The following THSD7A variants were observed in gnomAD, a reference collection of about 807,000 sequenced individuals.
The protein encoded by THSD7A is thrombospondin type 1 domain containing 7A.
In THSD7A, 96 loss-of-function variants were observed where a neutral mutation model predicts 231.3. The ratio of observed to expected loss-of-function variants is 0.41; its 90% confidence interval spans 0.35 to 0.49. THSD7A has a LOEUF of 0.49. Ranked by LOEUF, THSD7A falls within the 20% of genes least tolerant of loss-of-function variation. The pLI, the probability that THSD7A is intolerant of heterozygous loss-of-function variation, is 0.05. For synonymous variants in THSD7A, 940 were observed against 743.3 expected (o/e 1.26, Z -4.30); for missense variants, 2,290 against 2,070.2 (o/e 1.11, Z -2.06).
At chr7:11,502,857 T>G (rs1787393275) in intron 6 of THSD7A, among the ~76,000 whole-genome samples, 1 of 152,170 alleles carries the variant, frequency 6.6e-6, no homozygotes, top group South Asian at 2.1e-4. Context: ...AGAATCAGTA[T>G]CATTAAAATG....
chr7:11,586,645 T>TGAAA (rs1779919771), intron 4 of THSD7A, among the ~76,000 whole-genome samples: 1 of 152,238 alleles, frequency 6.6e-6, no homozygotes, highest in Non-Finnish European at 1.5e-5. Context: ...AAGCTTTTTC[T>TGAAA]AAAGTGGGTT....
chr7:11,618,064 C>T (rs1056659114), intron 2 of THSD7A, among the ~76,000 whole-genome samples: 2 of 152,124 alleles, frequency 1.3e-5, no homozygotes, highest in African/African-American at 2.4e-5. Context: ...TAAATTTGAC[C>T]CAGTAATTCC....
At chr7:11,763,481 C>T (rs1435030680) in intron 1 of THSD7A, among the ~76,000 whole-genome samples, 2 of 152,176 alleles carry the variant, frequency 1.3e-5, no homozygotes, top group East Asian at 3.9e-4. Context: ...TATCCATGTA[C>T]ACATATATAC....
intron 6 of THSD7A, among the ~76,000 whole-genome samples, chr7:11,523,000 C>T (rs975549370): frequency 5.3e-5 from 8 of 152,082 alleles, no homozygotes; most frequent in Admixed American, 3.3e-4. Context: ...GGTAAACAAA[C>T]TCAGATGAAC....
chr7:11,491,610 AATAAG>A (rs72436921), intron 6 of THSD7A, among the ~76,000 whole-genome samples: 19,839 of 152,088 alleles, frequency 0.13, 1,427 homozygotes, highest in Middle Eastern at 0.19. Flanking sequence ...TATGCTACTA[AATAAG>A]ATAAATTATA....
intron 23 of THSD7A, 124 bp from the exon 24 acceptor site, chr7:11,382,740 ATTTATTGTCCTGAAGTTGCCATGCATATG>A: frequency 1.3e-6 from 1 of 799,632 alleles, no homozygotes; most frequent in Non-Finnish European, 2.0e-6. Flanking sequence ...TCAAATGTCA[ATTTATTGTCCTGAAGTTGCCATGCATATG>A]TTTAAAATTG....
chr7:11,461,649 G>C (rs1010530464), intron 10 of THSD7A, among the ~76,000 whole-genome samples: 19 of 152,202 alleles, frequency 1.2e-4, no homozygotes, highest in African/African-American at 4.6e-4. Context: ...GAGCAGGGGA[G>C]TAATGCTTAG....
chr7:11,475,935 CTTTTTTTT>C (rs553018024), intron 7 of THSD7A, among the ~76,000 whole-genome samples: 1 of 110,770 alleles, frequency 9.0e-6, no homozygotes, highest in Admixed American at 9.5e-5. Flanking sequence ...AAATACTTTC[CTTTTTTTT>C]TTTTTTTTTT....
intron 1 of THSD7A, among the ~76,000 whole-genome samples, chr7:11,653,647 C>T (rs1168976274): frequency 1.3e-5 from 2 of 151,800 alleles, no homozygotes; most frequent in Non-Finnish European, 2.9e-5. Context: ...AGGCATGTGT[C>T]ATTGCACCTA....
At position 11,537,029 on chromosome 7, in the gene THSD7A, C is replaced by G. The variant is rs568235119; in HGVS notation, c.1822+4390G>C. On this transcript the variant is annotated intron_variant, in intron 6 of 27. Coordinates refer to ENST00000423059, the MANE Select transcript of THSD7A (RefSeq NM_015204.3). Reference sequence around the variant, plus strand: ...TTCCCTATCTCTTTCCACAATGAGTCCTATTCTCCAGTGGTATAAATTTTC... The same window carrying G: ...TTCCCTATCTCTTTCCACAATGAGTGCTATTCTCCAGTGGTATAAATTTTC... Among the ~76,000 whole-genome samples the G allele has an allele frequency of 2.6e-5, 4 of 151,578 alleles. No individual in the cohort carries two copies. In the South Asian group the frequency reaches 6.3e-4, roughly 24 times the overall value.
chr7:11,457,945 G>A (rs1357749898), intron 11 of THSD7A, among the ~76,000 whole-genome samples: 3 of 151,912 alleles, frequency 2.0e-5, no homozygotes, highest in Admixed American at 6.6e-5. Context: ...TTTAATTCTT[G>A]TTAGGTGACA....
intron 13 of THSD7A, 114 bp downstream of exon 13, chr7:11,445,947 T>A: frequency 7.7e-7 from 1 of 1,301,704 alleles, no homozygotes; most frequent in Non-Finnish European, 1.1e-6. Flanking sequence ...TGCTTCAGAG[T>A]TTAATTTAGA....
At position 11,539,272 on chromosome 7, in the gene THSD7A, G is replaced by C. The variant is rs118127524; in HGVS notation, c.1822+2147C>G. ...TGTCTCAGTTTATATACAAATTTGAGTGAGTTCTAGGATTCATAATAAAAA... is the reference window on the plus strand; with the variant it reads ...TGTCTCAGTTTATATACAAATTTGACTGAGTTCTAGGATTCATAATAAAAA... On this transcript the variant is annotated intron_variant, in intron 6 of 27. Transcript: ENST00000423059. Among the ~76,000 whole-genome samples the C allele has an allele frequency of 3.8e-3, 583 of 152,224 alleles. 3 individuals carry two copies. Among genetic ancestry groups the C allele is most frequent in the Non-Finnish European group, 6.2e-3 (422 of 68,018 alleles).
At chr7:11,541,751 TGA>T in intron 5 of THSD7A, 120 bp from the exon 6 acceptor site, 1 of 909,670 alleles carries the variant, frequency 1.1e-6, no homozygotes, top group Admixed American at 2.2e-5. Flanking sequence ...ATTTCTGTTT[TGA>T]GTCACTGGTG....
chr7:11,406,846 TTCTGCAGATGAAGTC>T lies in THSD7A; in HGVS notation c.4062+49_4062+63del. 6.5e-7 allele frequency: 1 copy of T among 1,543,536 alleles called. No individual in the cohort carries two copies. The highest frequency in any genetic ancestry group is 8.8e-7 in the Non-Finnish European group (1 of 1,136,208). On this transcript the variant is annotated intron_variant, in intron 21 of 27. Transcript: ENST00000423059. This position sits in a 1 kb window ranked among gnomAD's most constrained non-coding sequence, Gnocchi z 4.7. The stretch of plus-strand genomic sequence containing the variant: ...TTTCTAACACATTATTTTTATGTTT[TTCTGCAGATGAAGTC>T]TCTGCAGATAGAGTACACACTTCCT...
At chr7:11,533,347 G>C (rs748996549) in intron 6 of THSD7A, among the ~76,000 whole-genome samples, 4 of 152,028 alleles carry the variant, frequency 2.6e-5, no homozygotes, top group Non-Finnish European at 4.4e-5. Context: ...AAAGAATCAA[G>C]AAAACAGTGG....
intron 4 of THSD7A, among the ~76,000 whole-genome samples, chr7:11,589,491 T>C (rs925233990): frequency 3.3e-5 from 5 of 152,212 alleles, no homozygotes; most frequent in Admixed American, 6.5e-5. Flanking sequence ...ACTACTCCCT[T>C]ACGCTCATTC....
chr7:11,764,564 C>A (rs959453590), intron 1 of THSD7A, among the ~76,000 whole-genome samples: 1 of 118,746 alleles, frequency 8.4e-6, no homozygotes, highest in East Asian at 2.3e-4. Context: ...AACGAGACTC[C>A]GTCTCAAAAA....
intron 7 of THSD7A, among the ~76,000 whole-genome samples, chr7:11,475,313 CT>C (rs1023320322): frequency 6.6e-6 from 1 of 151,946 alleles, no homozygotes; most frequent in East Asian, 1.9e-4. Flanking sequence ...CAAGGATATG[CT>C]TTGGGGGTAC....
Sources: allele counts gnomAD v4.1 joint callset (sites outside exome capture counted in the v4.1 genomes callset), GRCh38; gene constraint gnomAD v4.1.1; non-coding constraint Gnocchi (gnomAD v3.1); transcripts MANE v1.5; gene names NCBI Gene and HGNC (gene_info 2026-07-23, HGNC 2026-07-21).